The following PTPRD variants were observed in gnomAD, a reference collection of about 807,000 sequenced individuals.
The protein encoded by PTPRD is protein tyrosine phosphatase receptor type D.
PTPRD carries 34 observed loss-of-function variants against 214.5 expected under a neutral mutation model. That is an observed-to-expected ratio of 0.16 (90% confidence interval 0.12 to 0.21). PTPRD has a LOEUF of 0.21. Ranked by LOEUF, PTPRD falls within the 10% of genes least tolerant of loss-of-function variation. PTPRD has a pLI of 1.00. For synonymous variants in PTPRD, 1,128 were observed against 845.7 expected, an observed-to-expected ratio of 1.33 and a Z score of -5.79; for missense variants, 2,545 against 2,398.7, an observed-to-expected ratio of 1.06 and a Z score of -1.27.
At chr9:9,042,605 C>CTTTTTTTT (rs201347176) in intron 10 of PTPRD, among the ~76,000 whole-genome samples, 2 of 81,258 alleles carry the variant, frequency 2.5e-5, no homozygotes, top group African/African-American at 7.8e-5. Flanking sequence ...AGCATTTTTT[C>CTTTTTTTT]TTTTTTTTCT....
intron 35 of PTPRD, among the ~76,000 whole-genome samples, chr9:8,427,479 G>C (rs962073038): frequency 6.6e-6 from 1 of 152,136 alleles, no homozygotes; most frequent in East Asian, 1.9e-4. Flanking sequence ...GCTGTGTGCC[G>C]AGCGGTGAGC....
At position 8,636,685 on chromosome 9, in the gene PTPRD, A is replaced by T; in HGVS notation, c.210+14T>A. The stretch of plus-strand genomic sequence containing the variant: ...CATTCTTCCCCCAGAGAAACAGAAC[A>T]ATGGACCTAATACCTCAAATCTCTG... On this transcript the variant is annotated intron_variant, in intron 13 of 45. Transcript: ENST00000381196. 6.2e-7 allele frequency: 1 copy of T among 1,613,384 alleles called. No homozygotes were observed. The highest frequency in any genetic ancestry group is 8.5e-7 in the Non-Finnish European group (1 of 1,179,394).
chr9:10,612,097 T>C (rs971677207), intron 2 of PTPRD, among the ~76,000 whole-genome samples: 1 of 151,274 alleles, frequency 6.6e-6, no homozygotes, highest in Non-Finnish European at 1.5e-5. Context: ...AACCAACCAA[T>C]GTTTAACAAA....
At chr9:8,519,013 T>C (rs577186365) in intron 20 of PTPRD, among the ~76,000 whole-genome samples, 1 of 152,282 alleles carries the variant, frequency 6.6e-6, no homozygotes, top group South Asian at 2.1e-4. Context: ...TGAAATTAAA[T>C]TGCGATGAAA....
intron 12 of PTPRD, among the ~76,000 whole-genome samples, chr9:8,658,331 G>A (rs1314169133): frequency 6.6e-6 from 1 of 151,966 alleles, no homozygotes; most frequent in Non-Finnish European, 1.5e-5. Context: ...TCAATATTTG[G>A]TAAATTAACA....
intron 5 of PTPRD, among the ~76,000 whole-genome samples, chr9:9,909,728 C>G (rs2078636791): frequency 6.6e-6 from 1 of 151,490 alleles, no homozygotes; most frequent in African/African-American, 2.4e-5. Context: ...ACTAAGTTGA[C>G]TTCAACATAC....
At chr9:8,657,979 G>C (rs763224518) in intron 12 of PTPRD, among the ~76,000 whole-genome samples, 2 of 151,440 alleles carry the variant, frequency 1.3e-5, no homozygotes, top group Admixed American at 6.6e-5. Context: ...AATTTATTTG[G>C]GCTTGGCCAA....
At chr9:9,938,177 G>T (rs1283736387) in intron 5 of PTPRD, among the ~76,000 whole-genome samples, 1 of 151,966 alleles carries the variant, frequency 6.6e-6, no homozygotes, top group Non-Finnish European at 1.5e-5. Context: ...TTCCCACTCT[G>T]GATCACTACT....
Position 10,189,342 on chromosome 9 carries a change from G to A in PTPRD, c.-545+151621C>T, listed in dbSNP as rs140868932. Among the ~76,000 whole-genome samples, 343 of 152,206 alleles carry A rather than the reference G, an allele frequency of 2.3e-3. 3 individuals carry two copies. Among genetic ancestry groups the A allele is most frequent in the African/African-American group, 7.6e-3 (314 of 41,542 alleles). ...AGTTGGTGCTGGCTGAGTTCCATAC[G>A]CATGGGTCTTTCATCCTCAAGGAAG... On this transcript the variant is annotated intron_variant, in intron 3 of 45. Coordinates refer to ENST00000381196, the MANE Select transcript of PTPRD (RefSeq NM_002839.4).
intron 3 of PTPRD, among the ~76,000 whole-genome samples, chr9:10,063,700 T>A (rs1298066669): frequency 6.6e-6 from 1 of 152,002 alleles, no homozygotes; most frequent in African/African-American, 2.4e-5. Flanking sequence ...CCCTATAATA[T>A]TCAGATATAG....
intron 11 of PTPRD, among the ~76,000 whole-genome samples, chr9:8,773,404 G>T (rs2117328): frequency 0.67 from 101,819 of 151,914 alleles, 34,377 homozygotes; most frequent in Middle Eastern, 0.79. Context: ...AGAAACTCTC[G>T]CCAGGCAGTA....
chr9:9,764,738 T>A (rs1352705459), intron 6 of PTPRD, among the ~76,000 whole-genome samples: 1 of 152,110 alleles, frequency 6.6e-6, no homozygotes, highest in Admixed American at 6.5e-5. Context: ...TTAGGTAGCT[T>A]CTCCAGGATT....
intron 2 of PTPRD, among the ~76,000 whole-genome samples, chr9:10,559,506 G>T (rs1481682001): frequency 6.6e-6 from 1 of 151,946 alleles, no homozygotes; most frequent in Non-Finnish European, 1.5e-5. Context: ...TACACACTAA[G>T]CTTTCTTTCT....
intron 6 of PTPRD, among the ~76,000 whole-genome samples, chr9:9,734,925 T>G (rs10977937): frequency 2.0e-5 from 3 of 152,104 alleles, no homozygotes; most frequent in Non-Finnish European, 4.4e-5. Flanking sequence ...TACATAAATT[T>G]AATGTTTTTA....
chr9:8,530,962 C>T (rs1191983508), intron 14 of PTPRD, among the ~76,000 whole-genome samples: 1 of 152,070 alleles, frequency 6.6e-6, no homozygotes, highest in Non-Finnish European at 1.5e-5. Flanking sequence ...GAAGCTGAGG[C>T]AAGTTTGATT....
Position 8,344,348 on chromosome 9 carries a change from G to C in PTPRD, c.4662-2370C>G, listed in dbSNP as rs925654255. The stretch of plus-strand genomic sequence containing the variant: ...GCATCAGGGACCATTCAAATGTCTG[G>C]ATGATGCATGGTTCTATATTCTGGC... On this transcript the variant is annotated intron_variant, in intron 39 of 45. Coordinates refer to ENST00000381196, the MANE Select transcript of PTPRD (RefSeq NM_002839.4). Among the ~76,000 whole-genome samples, 17 of 152,108 alleles carry C rather than the reference G, an allele frequency of 1.1e-4. No homozygotes were observed. The South Asian group carries it at 2.9e-3, about 26-fold the overall frequency.
intron 14 of PTPRD, among the ~76,000 whole-genome samples, chr9:8,609,081 T>A (rs1258761703): frequency 6.6e-6 from 1 of 152,228 alleles, no homozygotes; most frequent in Non-Finnish European, 1.5e-5. Context: ...AATTCTCACA[T>A]CTTGTCTCAT....
chr9:9,544,759 G>A (rs2078382702), intron 8 of PTPRD, among the ~76,000 whole-genome samples: 1 of 151,578 alleles, frequency 6.6e-6, no homozygotes, highest in African/African-American at 2.4e-5. Flanking sequence ...TAAGCTTTAT[G>A]TATTTTATTA....
chr9:8,646,637 A>G (rs1424194273), intron 12 of PTPRD, among the ~76,000 whole-genome samples: 1 of 152,200 alleles, frequency 6.6e-6, no homozygotes, highest in Non-Finnish European at 1.5e-5. Flanking sequence ...TTCCCCATCT[A>G]GATGAAATGT....
Sources: gnomAD v4.1 joint callset for allele counts (sites outside exome capture counted in the v4.1 genomes callset) on GRCh38, gnomAD v4.1.1 for gene constraint, MANE v1.5 for transcripts, NCBI Gene and HGNC (gene_info 2026-07-23, HGNC 2026-07-21) for gene names.